The following MRPL21 variants were observed in gnomAD, a reference collection of about 807,000 sequenced individuals.
The protein encoded by MRPL21 is large ribosomal subunit protein bL21m.
In MRPL21, 20 loss-of-function variants were observed where a neutral mutation model predicts 27.3. The ratio of observed to expected loss-of-function variants is 0.73; its 90% CI spans 0.52 to 1.06. The LOEUF is 1.06. MRPL21 is among the 50% of genes least tolerant of loss of function. The probability of loss-of-function intolerance (pLI) is 0.00; values close to 1 mark genes in which losing one functional copy is unlikely to be tolerated. For missense variants in MRPL21, 249 were observed against 251.4 expected (o/e 0.99, Z 0.06); for synonymous variants, 98 against 101.5 (o/e 0.97, Z 0.21).
chr11:68,894,280 T>A (rs181313496), intron 4 of MRPL21, among the ~76,000 whole-genome samples: 72 of 152,150 alleles, frequency 4.7e-4, no homozygotes, highest in African/African-American at 1.7e-3. Flanking sequence ...AATGCAACAG[T>A]GTTCTTTCTT....
chr11:68,903,614 T>C (rs1858033686), intron 1 of MRPL21, 109 bp downstream of exon 1: 7 of 1,141,668 alleles, frequency 6.1e-6, no homozygotes, highest in Middle Eastern at 4.7e-4. Flanking sequence ...TCACCACAAA[T>C]GCGATCAACA....
intron 1 of MRPL21, among the ~76,000 whole-genome samples, chr11:68,901,600 T>TTCTCC (rs1857937173): frequency 6.6e-6 from 1 of 152,044 alleles, no homozygotes; most frequent in Non-Finnish European, 1.5e-5. Flanking sequence ...CTCGGCTGCT[T>TTCTCC]TCTCCTCTCC....
chr11:68,896,450 G>GGGCGTGGAGATTACATACTTGGTGGCT, intron 4 of MRPL21, 65 bp downstream of exon 4: 1 of 1,576,034 alleles, frequency 6.3e-7, no homozygotes, highest in Admixed American at 1.7e-5. Flanking sequence ...GTGTGAGCTG[G>GGGCGTGGAGATTACATACTTGGTGGCT]GGCGTGGAGA....
chr11:68,891,749 C>A, intron 6 of MRPL21: 1 of 510,786 alleles, frequency 2.0e-6, no homozygotes, highest in Non-Finnish European at 3.5e-6. Flanking sequence ...ACATGAGAGG[C>A]TCCCCTACCC....
intron 2 of MRPL21, among the ~76,000 whole-genome samples, chr11:68,899,331 T>C (rs1039879587): frequency 6.6e-6 from 1 of 152,180 alleles, no homozygotes; most frequent in Non-Finnish European, 1.5e-5. Context: ...AGGGTTGCAT[T>C]AGGAGGAAGA....
chr11:68,892,870 C>G lies in MRPL21; in HGVS notation c.553+20G>C, dbSNP rs369878980. ...ACCAGCACCGTGCAACAGGGCCCAG[C>G]GGTACTTTCTCTAACTTACTTCTTT... On this transcript the variant is annotated intron_variant, in intron 6 of 6. Coordinates refer to ENST00000362034, the MANE Select transcript of MRPL21 (RefSeq NM_181514.2). 1.9e-6 allele frequency: 3 copies of G among 1,604,420 alleles called. No individual in the cohort carries two copies. The highest frequency in any genetic ancestry group is 2.2e-5 in the East Asian group (1 of 44,798).
At chr11:68,897,582 C>T (rs375987822) in intron 3 of MRPL21, 3 of 303,448 alleles carry the variant, frequency 9.9e-6, no homozygotes, top group South Asian at 1.4e-4. Context: ...GTTTCTCCAA[C>T]AGCCCGGGTG....
chr11:68,899,689 C>G (rs1038255429), intron 2 of MRPL21, among the ~76,000 whole-genome samples: 2 of 152,196 alleles, frequency 1.3e-5, no homozygotes, highest in African/African-American at 4.8e-5. Flanking sequence ...GTAGTAGGCA[C>G]AACCTACCCA....
chr11:68,893,108 A>T, intron 5 of MRPL21, 115 bp from the exon 6 acceptor site: 1 of 1,360,898 alleles, frequency 7.3e-7, no homozygotes, highest in Non-Finnish European at 9.7e-7. Flanking sequence ...TAAAAGTAAT[A>T]CGCCCTCAAT....
At chr11:68,892,006 G>T in intron 6 of MRPL21, 5 of 1,040,988 alleles carry the variant, frequency 4.8e-6, no homozygotes, top group Non-Finnish European at 6.4e-6. Flanking sequence ...GCTGCTTTGG[G>T]GACAGTGCTA....
intron 4 of MRPL21, among the ~76,000 whole-genome samples, chr11:68,895,547 G>A (rs1330143567): frequency 2.0e-5 from 3 of 152,130 alleles, no homozygotes; most frequent in Non-Finnish European, 4.4e-5. Context: ...CTACTCGGGA[G>A]GCTGAGGCAG....
intron 6 of MRPL21, chr11:68,892,644 G>C (rs1402893078): frequency 4.2e-6 from 6 of 1,440,304 alleles, no homozygotes; most frequent in Non-Finnish European, 5.5e-6. Flanking sequence ...GTGGGGTCAC[G>C]TGCGGAGCGT....
Position 68,892,918 on chromosome 11 carries a change from C to T in MRPL21, c.525G>A (p.Arg175=), listed in dbSNP as rs1566413677. 1 of 1,613,504 alleles carries T rather than the reference C, an allele frequency of 6.2e-7. No homozygotes were observed. The highest frequency in any genetic ancestry group is 8.5e-7 in the Non-Finnish European group (1 of 1,179,656). ...TTTTCTTCTTGAAGTTTTTCCTTTT[C>T]CTGAATCTCATAATGATTCTTGGCC... ...ESWPRIIMRF[R]KRKNFKKKRI... is the part of the protein sequence containing the mutation. The change falls in exon 6 of 7, where the codon AGG becomes AGA. Residue 175 remains arginine (R), a synonymous_variant. Transcript: ENST00000362034.
At chr11:68,892,721 C>A in intron 6 of MRPL21, 169 bp downstream of exon 6, 1 of 1,533,702 alleles carries the variant, frequency 6.5e-7, no homozygotes, top group Non-Finnish European at 8.7e-7. Context: ...GAGGCTGGAC[C>A]CTCTGGGTGC....
intron 3 of MRPL21, among the ~76,000 whole-genome samples, chr11:68,897,315 G>A (rs1857820566): frequency 1.3e-5 from 2 of 152,160 alleles, no homozygotes; most frequent in Admixed American, 1.3e-4. Flanking sequence ...CCGAGGGCGA[G>A]ACACACAGAA....
chr11:68,897,886 A>C, intron 3 of MRPL21, 41 bp downstream of exon 3: 3 of 1,483,038 alleles, frequency 2.0e-6, no homozygotes, highest in South Asian at 1.1e-5. Flanking sequence ...AGCAGGGTCT[A>C]GGTGGTGCCC....
chr11:68,903,698 C>G, intron 1 of MRPL21, 25 bp downstream of exon 1: 1 of 1,611,970 alleles, frequency 6.2e-7, no homozygotes, highest in Non-Finnish European at 8.5e-7. Flanking sequence ...TGCGTCCTCC[C>G]TTCCTCCCAT....
chr11:68,893,671 G>A (rs994816051), intron 4 of MRPL21, among the ~76,000 whole-genome samples: 3 of 152,236 alleles, frequency 2.0e-5, no homozygotes, highest in Non-Finnish European at 2.9e-5. Flanking sequence ...GGCTGCCTAA[G>A]GGAAATGCTC....
In MRPL21 at chr11:68,903,644, C is replaced by T. The variant is rs1463837171; in HGVS notation, c.88+79G>A. ...TCAACACACAAGGCACCAGGTCGGACCCAGGCACATACGTGGCGAGACCGC... is the reference window on the plus strand; with the variant it reads ...TCAACACACAAGGCACCAGGTCGGATCCAGGCACATACGTGGCGAGACCGC... On this transcript the variant is annotated intron_variant, in intron 1 of 6. Transcript: ENST00000362034. The T allele has an allele frequency of 2.7e-6, 4 of 1,474,154 alleles. No individual in the cohort carries two copies. In the African/African-American group the frequency reaches 5.5e-5, roughly 20 times the overall value. The allele number at this position is 1,474,154 out of a possible 1,614,324, so 91.3% of individuals were successfully genotyped here.
Sources: gnomAD v4.1 joint callset for allele counts (sites outside exome capture counted in the v4.1 genomes callset) on GRCh38, gnomAD v4.1.1 for gene constraint, MANE v1.5 for transcripts, NCBI Gene and HGNC (gene_info 2026-07-23, HGNC 2026-07-21) for gene names.